DOCK4: variants seen among roughly 807,000 people sequenced by gnomAD.
DOCK4 encodes the protein dedicator of cytokinesis 4.
A neutral mutation model predicts 268.1 loss-of-function variants in DOCK4; 97 were observed. That is an observed-to-expected ratio of 0.36 (90% CI 0.31 to 0.43). The LOEUF is 0.43. Among genes scored for constraint, DOCK4 ranks in the 20% least tolerant of loss-of-function variants. DOCK4 has a pLI of 1.00. For synonymous variants in DOCK4, 954 were observed against 887.2 expected (o/e 1.08, Z -1.34); for missense variants, 2,145 against 2,455.7 (o/e 0.87, Z 2.67).
intron 30 of DOCK4, among the ~76,000 whole-genome samples, chr7:111,791,099 T>TATA (rs1289561664): frequency 1.5e-5 from 2 of 137,468 alleles, no homozygotes; most frequent in Non-Finnish European, 3.1e-5. Context: ...TATATATATA[T>TATA]AAAATAAATC....
chr7:111,758,060 AG>A (rs1182623566), intron 41 of DOCK4, among the ~76,000 whole-genome samples: 2 of 152,138 alleles, frequency 1.3e-5, no homozygotes, highest in Middle Eastern at 3.2e-3. Context: ...ACACACACAA[AG>A]AATCCAAAAT....
At chr7:111,760,554 C>T (rs1385974239) in intron 39 of DOCK4, among the ~76,000 whole-genome samples, 1 of 152,178 alleles carries the variant, frequency 6.6e-6, no homozygotes, top group Non-Finnish European at 1.5e-5. Flanking sequence ...CCTCACTCTT[C>T]CCGGTTCACT....
intron 1 of DOCK4, among the ~76,000 whole-genome samples, chr7:112,183,920 C>T (rs1267733907): frequency 1.3e-5 from 2 of 152,130 alleles, no homozygotes; most frequent in Non-Finnish European, 2.9e-5. Context: ...TAGTTAATTC[C>T]TACAGTACCT....
intron 30 of DOCK4, among the ~76,000 whole-genome samples, chr7:111,800,231 A>G (rs1489605353): frequency 6.6e-6 from 1 of 151,906 alleles, no homozygotes; most frequent in Admixed American, 6.6e-5. Context: ...CCTAAAAAAA[A>G]AAAAACAGCA....
chr7:112,034,098 G>C (rs1803524457), intron 1 of DOCK4, among the ~76,000 whole-genome samples: 1 of 152,160 alleles, frequency 6.6e-6, no homozygotes, highest in Non-Finnish European at 1.5e-5. Flanking sequence ...TGTGCATTTT[G>C]AGGGCAGGAT....
intron 16 of DOCK4, among the ~76,000 whole-genome samples, chr7:111,879,558 T>G (rs1247643231): frequency 6.6e-6 from 1 of 152,136 alleles, no homozygotes; most frequent in Non-Finnish European, 1.5e-5. Context: ...TGGACAGCAT[T>G]TCTGGACCTG....
intron 12 of DOCK4, among the ~76,000 whole-genome samples, chr7:111,928,414 G>A (rs908763376): frequency 1.3e-5 from 2 of 151,794 alleles, no homozygotes. Context: ...CACATCATTT[G>A]GATTTAGTTT....
At chr7:111,954,405 C>T (rs575207318) in intron 8 of DOCK4, among the ~76,000 whole-genome samples, 1 of 152,076 alleles carries the variant, frequency 6.6e-6, no homozygotes, top group Non-Finnish European at 1.5e-5. Flanking sequence ...GAAGGACATT[C>T]GAATAGATGC....
chr7:112,170,353 C>A (rs1409453390), intron 1 of DOCK4, among the ~76,000 whole-genome samples: 1 of 151,844 alleles, frequency 6.6e-6, no homozygotes, highest in Non-Finnish European at 1.5e-5. Context: ...CCCAGCTACT[C>A]AGGAGGCTGA....
intron 1 of DOCK4, among the ~76,000 whole-genome samples, chr7:112,024,838 AG>A (rs903694397): frequency 6.6e-6 from 1 of 152,190 alleles, no homozygotes; most frequent in Non-Finnish European, 1.5e-5. Flanking sequence ...AATGCTACCA[AG>A]GCCTGTTCTT....
At chr7:112,074,010 T>C (rs893657388) in intron 1 of DOCK4, among the ~76,000 whole-genome samples, 5 of 152,174 alleles carry the variant, frequency 3.3e-5, no homozygotes, top group African/African-American at 7.2e-5. Context: ...TCCCATAAAT[T>C]TGTACAATGA....
chr7:112,018,179 A>AAAAAAAAAAAAAAAAACACAC lies in DOCK4; in HGVS notation c.38-14049_38-14048insGTGTGTTTTTTTTTTTTTTTT. Among the ~76,000 whole-genome samples, 4 of 72,590 alleles carry AAAAAAAAAAAAAAAAACACAC rather than the reference A, an allele frequency of 5.5e-5. 1 individual carries two copies. The highest frequency in any genetic ancestry group is 1.1e-4 in the African/African-American group (2 of 18,470). 47.6% of individuals were successfully genotyped at this position (72,590 alleles called of 152,430 possible). Reference sequence around the variant, plus strand: ...AAAAAAAAAAAAAAAAAAAAAAAAAAACACAGGCAACCAGTATTCATGTGG... The same window carrying AAAAAAAAAAAAAAAAACACAC: ...AAAAAAAAAAAAAAAAAAAAAAAAAAAAAAAAAAAAAAAAAACACACACACAGGCAACCAGTATTCATGTGG... On this transcript the variant is annotated intron_variant, in intron 1 of 52. Coordinates refer to ENST00000428084, the MANE Select transcript of DOCK4 (RefSeq NM_001363540.2).
chr7:112,146,636 G>A (rs552778860), intron 1 of DOCK4, among the ~76,000 whole-genome samples: 1 of 152,320 alleles, frequency 6.6e-6, no homozygotes, highest in East Asian at 1.9e-4. Flanking sequence ...GGAGGCTGAG[G>A]CAGGAGGATC....
At chr7:112,004,961 A>AG (rs1800738242) in intron 1 of DOCK4, among the ~76,000 whole-genome samples, 1 of 152,210 alleles carries the variant, frequency 6.6e-6, no homozygotes, top group Non-Finnish European at 1.5e-5. Flanking sequence ...TATAGAGAGA[A>AG]TAAAGCTCAG....
At chr7:111,756,576 A>AC (rs1797036345) in intron 41 of DOCK4, among the ~76,000 whole-genome samples, 1 of 151,684 alleles carries the variant, frequency 6.6e-6, no homozygotes. Context: ...GGGACGAGCA[A>AC]CCCCAGGACA....
chr7:112,019,378 T>C (rs1245075768), intron 1 of DOCK4, among the ~76,000 whole-genome samples: 2 of 152,196 alleles, frequency 1.3e-5, no homozygotes, highest in African/African-American at 2.4e-5. Flanking sequence ...AAAAACTATC[T>C]TATTTTATAG....
At chr7:111,934,979 C>G (rs1411790948) in intron 12 of DOCK4, among the ~76,000 whole-genome samples, 2 of 151,388 alleles carry the variant, frequency 1.3e-5, no homozygotes, top group African/African-American at 4.9e-5. Flanking sequence ...CAGAGTCTTA[C>G]TGTGTCACGC....
At chr7:111,902,783 A>G (rs1302261637) in intron 13 of DOCK4, among the ~76,000 whole-genome samples, 18 of 151,426 alleles carry the variant, frequency 1.2e-4, no homozygotes, top group Admixed American at 1.1e-3. Flanking sequence ...TTTTTTTGAG[A>G]AAAAAAAGGG....
At chr7:112,004,308 C>T (rs1180379326) in intron 1 of DOCK4, among the ~76,000 whole-genome samples, 177 bp from the exon 2 acceptor site, 1 of 152,006 alleles carries the variant, frequency 6.6e-6, no homozygotes, top group East Asian at 1.9e-4. Context: ...CATACTTTGC[C>T]AACTTCTTAG....
Sources: gnomAD v4.1 joint callset for allele counts (sites outside exome capture counted in the v4.1 genomes callset) on GRCh38, gnomAD v4.1.1 for gene constraint, MANE v1.5 for transcripts, NCBI Gene and HGNC (gene_info 2026-07-23, HGNC 2026-07-21) for gene names.